Variants in ADGRV1 observed in about 807,000 individuals in gnomAD.
ADGRV1 encodes adhesion G protein-coupled receptor V1, also known as G-protein coupled receptor 98.
ADGRV1 carries 359 observed loss-of-function variants against 596.2 expected under a neutral mutation model. The observed-to-expected ratio is 0.60, with a 90% CI of 0.55 to 0.66. The LOEUF is 0.66. Among genes scored for constraint, ADGRV1 ranks in the 30% least tolerant of loss-of-function variants. The probability of loss-of-function intolerance (pLI) is 0.00; values close to 1 mark genes in which losing one functional copy is unlikely to be tolerated. For synonymous variants in ADGRV1, 2,681 were observed against 2,679.2 expected (o/e 1.00, Z -0.02); for missense variants, 7,274 against 7,575.6 (o/e 0.96, Z 1.48).
rs3838659 is a variant in ADGRV1 at position 90,635,342 on chromosome 5, CA to C, written c.2016+53del. The C allele has an allele frequency of 0.17, 238,860 of 1,443,994 alleles. 21,719 individuals are homozygous for C. The highest frequency in any genetic ancestry group is 0.39 in the East Asian group (16,916 of 43,678). 89.4% of individuals were successfully genotyped at this position (1,443,994 alleles called of 1,614,324 possible). ...GGGCTAATGAGTATGAAGTAATGTA[CA>C]GACACTATTTTTAAAATAAGATCAG... is the stretch of plus-strand genomic sequence containing the variant. On this transcript the variant is annotated intron_variant, in intron 10 of 89. Coordinates refer to ENST00000405460, the MANE Select transcript of ADGRV1 (RefSeq NM_032119.4).
intron 77 of ADGRV1, among the ~76,000 whole-genome samples, chr5:90,835,049 T>C (rs564366207): frequency 6.6e-6 from 1 of 152,216 alleles, no homozygotes; most frequent in East Asian, 1.9e-4. Context: ...TCTTCAATTG[T>C]TTTGCGATGT....
At chr5:90,559,320 A>G (rs1754502931) in intron 1 of ADGRV1, among the ~76,000 whole-genome samples, 1 of 152,148 alleles carries the variant, frequency 6.6e-6, no homozygotes, top group Admixed American at 6.5e-5. Context: ...ACGGTGCGCC[A>G]TAGGTAATAA....
At chr5:90,928,419 C>T (rs1452275873) in intron 83 of ADGRV1, among the ~76,000 whole-genome samples, 70 of 151,074 alleles carry the variant, frequency 4.6e-4, no homozygotes, top group South Asian at 1.7e-3. Flanking sequence ...TCCAGTTGAT[C>T]GCATCGGCTC....
At chr5:90,613,895 A>G (rs1763018938) in intron 1 of ADGRV1, among the ~76,000 whole-genome samples, 1 of 152,128 alleles carries the variant, frequency 6.6e-6, no homozygotes, top group Non-Finnish European at 1.5e-5. Context: ...AATAGGAAGC[A>G]TTTTGGCTCA....
intron 87 of ADGRV1, among the ~76,000 whole-genome samples, chr5:91,106,900 T>C (rs75372770): frequency 6.6e-6 from 1 of 152,128 alleles, no homozygotes; most frequent in Non-Finnish European, 1.5e-5. Context: ...AGAACCTGGA[T>C]AGGGTTTGCA....
intron 82 of ADGRV1, among the ~76,000 whole-genome samples, chr5:90,862,956 C>G (rs531673783): frequency 6.6e-6 from 1 of 152,238 alleles, no homozygotes; most frequent in African/African-American, 2.4e-5. Context: ...ATTAACGAGG[C>G]ATTGATATAA....
intron 87 of ADGRV1, among the ~76,000 whole-genome samples, chr5:91,127,360 T>C (rs1793847338): frequency 6.6e-6 from 1 of 152,052 alleles, no homozygotes; most frequent in Admixed American, 6.6e-5. Flanking sequence ...GGCAACACAG[T>C]GACATGTTGT....
chr5:90,666,387 T>C (rs1425972731), intron 21 of ADGRV1, among the ~76,000 whole-genome samples: 1 of 152,174 alleles, frequency 6.6e-6, no homozygotes, highest in Non-Finnish European at 1.5e-5. Context: ...TTTGTCTCTT[T>C]TGATCTTTGT....
Position 91,111,155 on chromosome 5 carries a change from TG to T in ADGRV1, c.18432+8817del, listed in dbSNP as rs1035540472. 7.2e-4 allele frequency among the ~76,000 whole-genome samples: 110 copies of T among 152,312 alleles called. 1 individual carries two copies. The highest frequency in any genetic ancestry group is 2.5e-3 in the African/African-American group (106 of 41,574). ...CTGTTTTTTAAAAATTGTCCTTTGG[TG>T]GTCACTAGAGTGTCTTAAACACATA... On this transcript the variant is annotated intron_variant, in intron 87 of 89. Transcript: ENST00000405460.
intron 13 of ADGRV1, 63 bp from the exon 14 acceptor site, chr5:90,643,740 G>A: frequency 8.0e-7 from 1 of 1,249,278 alleles, no homozygotes; most frequent in East Asian, 2.6e-5. Context: ...GAATATTTAT[G>A]TTTTTAAATT....
At chr5:90,748,680 C>T (rs1260045727) in intron 52 of ADGRV1, among the ~76,000 whole-genome samples, 1 of 152,148 alleles carries the variant, frequency 6.6e-6, no homozygotes, top group African/African-American at 2.4e-5. Flanking sequence ...TTCTTCAGAT[C>T]TCTGCAAAAT....
intron 86 of ADGRV1, among the ~76,000 whole-genome samples, chr5:91,083,801 C>T (rs1304418458): frequency 1.3e-5 from 2 of 152,140 alleles, no homozygotes; most frequent in East Asian, 3.9e-4. Context: ...GGTACAGTGG[C>T]ATGCACATAT....
intron 16 of ADGRV1, among the ~76,000 whole-genome samples, chr5:90,646,989 G>A (rs554170854): frequency 1.7e-3 from 261 of 152,132 alleles, no homozygotes; most frequent in African/African-American, 5.9e-3. Flanking sequence ...GGCCAGGATG[G>A]TCTTGATCTC....
At chr5:90,877,680 A>G (rs1203912648) in intron 83 of ADGRV1, among the ~76,000 whole-genome samples, 1 of 151,430 alleles carries the variant, frequency 6.6e-6, no homozygotes, top group East Asian at 1.9e-4. Flanking sequence ...TGATTAGTTT[A>G]AGTGAAGAGA....
Position 90,861,378 on chromosome 5 carries a change from T to C in ADGRV1, c.17756-2379T>C, listed in dbSNP as rs772821741. Among the ~76,000 whole-genome samples, 103 of 152,148 alleles carry C rather than the reference T, an allele frequency of 6.8e-4. 1 individual carries two copies. Among genetic ancestry groups the C allele is most frequent in the Middle Eastern group, 6.8e-3 (2 of 294 alleles). On this transcript the variant is annotated intron_variant, in intron 82 of 89. Coordinates refer to ENST00000405460, the MANE Select transcript of ADGRV1 (RefSeq NM_032119.4). ...AGGCTGGATTGCAGTGGTGTGATCT[T>C]GGCTCACTGCAACCTCCGCCTCCAG... is the stretch of plus-strand genomic sequence containing the variant.
In ADGRV1 at chr5:90,646,402, A is replaced by AT. The variant is rs5869510; in HGVS notation, c.3022+320dup. The stretch of plus-strand genomic sequence containing the variant: ...TTTTCCCCCTTTCAGATTTCTCGGT[A>AT]TTTTTTTTTCTTTTGTGCAGAAAAC... On this transcript the variant is annotated intron_variant, in intron 16 of 89. Coordinates refer to ENST00000405460, the MANE Select transcript of ADGRV1 (RefSeq NM_032119.4). Among the ~76,000 whole-genome samples the AT allele has an allele frequency of 0.16, 23,801 of 150,678 alleles. 2,045 individuals are homozygous for AT. The highest frequency in any genetic ancestry group is 0.37 in the East Asian group (1,881 of 5,092).
At chr5:90,863,901 G>T (rs746794547) in intron 83 of ADGRV1, 44 bp downstream of exon 83, 41 of 1,233,576 alleles carry the variant, frequency 3.3e-5, no homozygotes, top group Middle Eastern at 1.9e-4. Flanking sequence ...AGATGTTTGT[G>T]TTTCTTCTTC....
At chr5:91,121,356 C>A (rs1380174278) in intron 87 of ADGRV1, among the ~76,000 whole-genome samples, 2 of 152,062 alleles carry the variant, frequency 1.3e-5, no homozygotes, top group African/African-American at 2.4e-5. Context: ...CGTCCTTGTA[C>A]CACACTATTG....
intron 17 of ADGRV1, among the ~76,000 whole-genome samples, chr5:90,650,055 T>A (rs1052730116): frequency 6.8e-6 from 1 of 147,474 alleles, no homozygotes; most frequent in Non-Finnish European, 1.5e-5. Flanking sequence ...TGTGATTTTT[T>A]AATACATCCT....
Sources: gnomAD v4.1 joint callset for allele counts (sites outside exome capture counted in the v4.1 genomes callset) on GRCh38, gnomAD v4.1.1 for gene constraint, MANE v1.5 for transcripts, NCBI Gene and HGNC (gene_info 2026-07-23, HGNC 2026-07-21) for gene names.